The following PRIM2 variants were observed in gnomAD, a reference collection of about 807,000 sequenced individuals.
The protein encoded by PRIM2 is DNA primase subunit 2.
Under a neutral mutation model 67.3 loss-of-function variants are expected in PRIM2, and 39 were observed. The observed-to-expected ratio is 0.58, with a 90% CI of 0.45 to 0.76. The LOEUF (loss-of-function observed/expected upper bound fraction) is 0.76. Among genes scored for constraint, PRIM2 ranks in the 30% least tolerant of loss-of-function variants. PRIM2 has a pLI of 0.00. For synonymous variants in PRIM2, 143 were observed against 198.7 expected (o/e 0.72, Z 2.36); for missense variants, 398 against 598.7 (o/e 0.66, Z 3.50).
chr6:57,572,986 A>G (rs1255686582), intron 10 of PRIM2, among the ~76,000 whole-genome samples: 5 of 152,218 alleles, frequency 3.3e-5, no homozygotes, highest in Admixed American at 2.6e-4. Flanking sequence ...TCTGTCTCCC[A>G]GGATAGAATG....
intron 7 of PRIM2, among the ~76,000 whole-genome samples, chr6:57,452,086 T>A (rs1363251208): frequency 2.6e-5 from 4 of 152,236 alleles, no homozygotes; most frequent in African/African-American, 9.6e-5. Flanking sequence ...TCCAGCTTCA[T>A]CCATGTCCCT....
At position 57,392,156 on chromosome 6, in the gene PRIM2, T is replaced by C. The variant is rs565622816; in HGVS notation, c.693+9988T>C. Among the ~76,000 whole-genome samples, 686 of 152,240 alleles carry C rather than the reference T, an allele frequency of 4.5e-3. 6 individuals carry two copies. Among genetic ancestry groups the C allele is most frequent in the African/African-American group, 0.016 (648 of 41,574 alleles). On this transcript the variant is annotated intron_variant, in intron 7 of 13. Transcript: ENST00000615550. Reference sequence around the variant, plus strand: ...GGCAATTGTGAATGGGATTGCCTTGTTGATTTGGCTCTCAGCTTGGCTTTT... The same window carrying C: ...GGCAATTGTGAATGGGATTGCCTTGCTGATTTGGCTCTCAGCTTGGCTTTT...
chr6:57,564,363 G>T lies in PRIM2; in HGVS notation c.1020+26738G>T, dbSNP rs1432299965. Among the ~76,000 whole-genome samples the T allele has an allele frequency of 1.3e-4, 20 of 152,170 alleles. 1 individual carries two copies. Among genetic ancestry groups the T allele is most frequent in the Admixed American group, 1.1e-3 (17 of 15,280 alleles). ...TGGAGGAAATTCCAGCCTTGTATGT[G>T]TATGTGTTCCTTTCTCTTTCCCTCC... On this transcript the variant is annotated intron_variant, in intron 10 of 13. Coordinates refer to ENST00000615550, the MANE Select transcript of PRIM2 (RefSeq NM_000947.5).
At chr6:57,484,973 A>G (rs1325399793) in intron 7 of PRIM2, among the ~76,000 whole-genome samples, 4 of 152,302 alleles carry the variant, frequency 2.6e-5, no homozygotes, top group South Asian at 4.1e-4. Flanking sequence ...CATCTAGAAT[A>G]GTGACTGTCA....
rs1340506804 is a variant in PRIM2 at position 57,521,562 on chromosome 6, A to G, written c.762-10849A>G. Among the ~76,000 whole-genome samples, 4 of 152,136 alleles carry G rather than the reference A, an allele frequency of 2.6e-5. No homozygotes were observed. In the East Asian group the frequency reaches 7.7e-4, roughly 29 times the overall value. On this transcript the variant is annotated intron_variant, in intron 8 of 13. Coordinates refer to ENST00000615550, the MANE Select transcript of PRIM2 (RefSeq NM_000947.5). Reference sequence around the variant, plus strand: ...TTGGTATACTTTTATGGAATGATGTAGGAGATTACAGTTCATTTTGAAAGA... The same window carrying G: ...TTGGTATACTTTTATGGAATGATGTGGGAGATTACAGTTCATTTTGAAAGA...
chr6:57,455,283 C>T (rs1772724589), intron 7 of PRIM2, among the ~76,000 whole-genome samples: 2 of 152,168 alleles, frequency 1.3e-5, no homozygotes, highest in African/African-American at 4.8e-5. Flanking sequence ...GTGGAGAGTT[C>T]TGTAGTTGTC....
intron 13 of PRIM2, among the ~76,000 whole-genome samples, chr6:57,636,426 C>A (rs1179011244): frequency 3.9e-5 from 6 of 152,078 alleles, no homozygotes; most frequent in Non-Finnish European, 7.3e-5. Flanking sequence ...TACAAAAAAA[C>A]CCCTAAGTTT....
chr6:57,432,572 T>C (rs1430968802), intron 7 of PRIM2, among the ~76,000 whole-genome samples: 1 of 152,230 alleles, frequency 6.6e-6, no homozygotes, highest in African/African-American at 2.4e-5. Flanking sequence ...TATTATGGCA[T>C]TAAAATAAAA....
intron 10 of PRIM2, among the ~76,000 whole-genome samples, chr6:57,596,600 AT>A (rs1776372412): frequency 6.9e-6 from 1 of 145,194 alleles, no homozygotes; most frequent in Admixed American, 7.2e-5. Flanking sequence ...TAGACTTAAG[AT>A]ATCTGCATTT....
At chr6:57,516,002 C>CA (rs1478726002) in intron 8 of PRIM2, among the ~76,000 whole-genome samples, 1 of 151,592 alleles carries the variant, frequency 6.6e-6, no homozygotes, top group Non-Finnish European at 1.5e-5. Flanking sequence ...AGGCTGCCCA[C>CA]ATTCCTTCTC....
chr6:57,344,675 T>G (rs540981586), intron 5 of PRIM2, among the ~76,000 whole-genome samples: 1 of 152,354 alleles, frequency 6.6e-6, no homozygotes, highest in African/African-American at 2.4e-5. Context: ...CAGTAAAATA[T>G]TGATACATTT....
Position 57,646,503 on chromosome 6 carries a change from G to T in PRIM2, c.*345G>T. The T allele has an allele frequency of 5.2e-6, 1 of 192,196 alleles. No homozygotes were observed. Among genetic ancestry groups the T allele is most frequent in the Non-Finnish European group, 1.0e-5 (1 of 96,564 alleles). 11.9% of individuals were successfully genotyped at this position (192,196 alleles called of 1,614,324 possible). ...TGGGATTACGGTTGTGAGCCACTGT[G>T]CCTGGCCTTTTTTTTTTTTTTAACC... is the stretch of plus-strand genomic sequence containing the variant. On this transcript the variant is annotated 3_prime_UTR_variant, in exon 14 of 14. Transcript: ENST00000615550.
At chr6:57,333,210 C>T (rs2127283354) in intron 5 of PRIM2, among the ~76,000 whole-genome samples, 1 of 152,250 alleles carries the variant, frequency 6.6e-6, no homozygotes, top group Admixed American at 6.5e-5. Context: ...CTTAATATAT[C>T]AACAGAGGTA....
intron 3 of PRIM2, 155 bp downstream of exon 3, chr6:57,320,715 A>G (rs894553728): frequency 6.4e-6 from 1 of 157,280 alleles, no homozygotes; most frequent in Non-Finnish European, 1.4e-5. Context: ...GGTGATTGAC[A>G]TGAAGTCAGA....
intron 3 of PRIM2, among the ~76,000 whole-genome samples, chr6:57,320,811 C>A (rs1414163495): frequency 2.6e-5 from 4 of 152,158 alleles, no homozygotes; most frequent in Non-Finnish European, 5.9e-5. Context: ...TTGTTCTGTG[C>A]ACTGTAGGAT....
At chr6:57,392,433 A>G (rs1770382305) in intron 7 of PRIM2, among the ~76,000 whole-genome samples, 1 of 152,100 alleles carries the variant, frequency 6.6e-6, no homozygotes, top group Non-Finnish European at 1.5e-5. Context: ...CATTTACATT[A>G]TATTTATAGT....
chr6:57,460,281 A>G (rs1772960932), intron 7 of PRIM2, among the ~76,000 whole-genome samples: 1 of 152,196 alleles, frequency 6.6e-6, no homozygotes, highest in Non-Finnish European at 1.5e-5. Flanking sequence ...TGCCACCAAC[A>G]GAAAAGTTAG....
chr6:57,639,563 A>G (rs1372260530), intron 13 of PRIM2, among the ~76,000 whole-genome samples: 48 of 148,224 alleles, frequency 3.2e-4, no homozygotes, highest in African/African-American at 1.2e-3. Context: ...AAAATGATAA[A>G]GGGGATATCA....
At chr6:57,348,110 C>T (rs189481481) in intron 5 of PRIM2, among the ~76,000 whole-genome samples, 5 of 151,900 alleles carry the variant, frequency 3.3e-5, no homozygotes, top group Non-Finnish European at 5.9e-5. Flanking sequence ...GTAGCTTTCT[C>T]GGTATAATAT....
Sources: gnomAD v4.1 joint callset for allele counts (sites outside exome capture counted in the v4.1 genomes callset) on GRCh38, gnomAD v4.1.1 for gene constraint, MANE v1.5 for transcripts, NCBI Gene and HGNC (gene_info 2026-07-23, HGNC 2026-07-21) for gene names.